The following GTF2IRD1 variants were observed in gnomAD, a reference collection of about 807,000 sequenced individuals.
GTF2IRD1 encodes the protein GTF2I repeat domain containing 1, also known as general transcription factor II-I repeat domain-containing protein 1.
GTF2IRD1 carries 26 observed loss-of-function variants against 113.2 expected under a neutral mutation model. The ratio of observed to expected loss-of-function variants is 0.23; its 90% CI spans 0.17 to 0.32. GTF2IRD1 has a LOEUF of 0.32. Among genes scored for constraint, GTF2IRD1 ranks in the 10% least tolerant of loss-of-function variants. The pLI, the probability that GTF2IRD1 is intolerant of heterozygous loss-of-function variation, is 1.00. For synonymous variants in GTF2IRD1, 484 were observed against 529.1 expected (o/e 0.91, Z 1.17); for missense variants, 864 against 1,280.8 (o/e 0.67, Z 4.97).
chr7:74,560,018 T>G (rs782487661), intron 22 of GTF2IRD1, among the ~76,000 whole-genome samples: 5 of 152,206 alleles, frequency 3.3e-5, no homozygotes, highest in Non-Finnish European at 7.3e-5. Flanking sequence ...TGACCTCAAG[T>G]GATCCACCCA....
chr7:74,551,479 C>T lies in GTF2IRD1; in HGVS notation c.1917-3695C>T, dbSNP rs113797042. On this transcript the variant is annotated intron_variant, in intron 17 of 26. Transcript: ENST00000424337. ...CCACCAAGTCCTGCCCTGGAGTTGC[C>T]GATGTCACCCAGACAAAATCAAAAT... 3.0e-4 allele frequency among the ~76,000 whole-genome samples: 45 copies of T among 152,292 alleles called. 1 individual carries two copies. The highest frequency in any genetic ancestry group is 8.2e-4 in the African/African-American group (34 of 41,562).
rs781837476 is a variant in GTF2IRD1, at chr7:74,521,161, C to A, written c.917-47C>A. ...TGCACTGGGGCCAGATCTGGGGAAC[C>A]CTCTTGGGTCCCACCTGGAACCTTC... On this transcript the variant is annotated intron_variant, in intron 6 of 26. Transcript: ENST00000424337. The A allele has an allele frequency of 6.2e-6, 7 of 1,127,046 alleles. No homozygotes were observed. In the South Asian group the frequency reaches 7.4e-5, roughly 12 times the overall value. The allele number at this position is 1,127,046 out of a possible 1,614,324, so 69.8% of individuals were successfully genotyped here.
rs1403086763 is a variant in GTF2IRD1 at position 74,528,932 on chromosome 7, C to T, written c.1091-802C>T. The stretch of plus-strand genomic sequence containing the variant: ...ATGGATGGATGGATGGACGGACAAC[C>T]GGGTGGATGGGTGGATGGATGGATG... On this transcript the variant is annotated intron_variant, in intron 8 of 26. Transcript: ENST00000424337. Among the ~76,000 whole-genome samples the T allele has an allele frequency of 3.4e-4, 28 of 81,830 alleles. No homozygotes were observed. In the South Asian group the frequency reaches 9.1e-3, roughly 27 times the overall value. 53.7% of individuals were successfully genotyped at this position (81,830 alleles called of 152,430 possible). A position where few individuals can be genotyped will look rare whatever the true frequency, so the allele number is the denominator to read the frequency against.
chr7:74,524,206 C>T (rs1554346714), intron 8 of GTF2IRD1, 52 bp downstream of exon 8: 2 of 1,267,150 alleles, frequency 1.6e-6, no homozygotes, highest in Middle Eastern at 2.1e-4. Context: ...TGTTGAGCAT[C>T]TCATTACGTG....
At position 74,559,636 on chromosome 7, in the gene GTF2IRD1, A is replaced by G; in HGVS notation, c.2301A>G (p.Gln767=). 6.3e-7 allele frequency: 1 copy of G among 1,596,712 alleles called. No individual in the cohort carries two copies. The highest frequency in any genetic ancestry group is 8.5e-7 in the Non-Finnish European group (1 of 1,172,288). The part of the protein sequence containing the change: ...KIKFTVTRPF[Q]GLIPKPDEDD... Reference sequence around the variant, plus strand: ...TCTGTTTCTCTTCTAGGCCTTTCCAAGGACTCATCCCAAAGCCTGGTAAGA... The same window carrying G: ...TCTGTTTCTCTTCTAGGCCTTTCCAGGGACTCATCCCAAAGCCTGGTAAGA... The change falls in exon 22 of 27, where the codon CAA becomes CAG. Residue 767 remains glutamine (Q), a synonymous_variant. Transcript: ENST00000424337.
At chr7:74,537,685 C>T (rs1301752792) in intron 11 of GTF2IRD1, among the ~76,000 whole-genome samples, 6 of 152,124 alleles carry the variant, frequency 3.9e-5, no homozygotes, top group Non-Finnish European at 8.8e-5. Flanking sequence ...CCTGCAGTTC[C>T]CTGGGAGGGA....
intron 1 of GTF2IRD1, among the ~76,000 whole-genome samples, chr7:74,472,821 C>T (rs1794188194): frequency 6.6e-6 from 1 of 152,208 alleles, no homozygotes; most frequent in South Asian, 2.1e-4. Flanking sequence ...GCCTCCTTGC[C>T]CTCCTGCAGA....
At chr7:74,484,453 CTTTTT>C (rs1173256681) in intron 1 of GTF2IRD1, among the ~76,000 whole-genome samples, 12 of 126,090 alleles carry the variant, frequency 9.5e-5, no homozygotes, top group Non-Finnish European at 1.8e-4. Flanking sequence ...GGCCATCCTT[CTTTTT>C]TTTTTTTTTT....
In GTF2IRD1 at chr7:74,555,750, C is replaced by T. The variant is rs1436190914; in HGVS notation, c.2023+256C>T. Among the ~76,000 whole-genome samples, 2 of 152,082 alleles carry T rather than the reference C, an allele frequency of 1.3e-5. No homozygotes were observed. The highest frequency in any genetic ancestry group is 1.5e-5 in the Non-Finnish European group (1 of 68,014). On this transcript the variant is annotated intron_variant, in intron 19 of 26. Transcript: ENST00000424337. The surrounding 1 kb of genome is among the most constrained non-coding windows in gnomAD (Gnocchi z 5.3). ...GCCTGCCTGCCCCCTCCCTGCCCCA[C>T]CCCCCAGAGGTAGCTGACACGCCCA... is the stretch of plus-strand genomic sequence containing the variant.
chr7:74,502,504 TCA>T (rs1482990007), intron 1 of GTF2IRD1, among the ~76,000 whole-genome samples: 1 of 152,222 alleles, frequency 6.6e-6, no homozygotes, highest in Non-Finnish European at 1.5e-5. Flanking sequence ...GGATTGGAAA[TCA>T]CAGCTGGATT....
chr7:74,532,958 C>A (rs587738134), intron 9 of GTF2IRD1, among the ~76,000 whole-genome samples: 1 of 152,006 alleles, frequency 6.6e-6, no homozygotes, highest in Non-Finnish European at 1.5e-5. Context: ...TAATCAGCTG[C>A]CTGAGGGCCC....
At chr7:74,580,177 TCTCA>T (rs1554365731) in intron 22 of GTF2IRD1, among the ~76,000 whole-genome samples, 1 of 152,068 alleles carries the variant, frequency 6.6e-6, no homozygotes, top group Non-Finnish European at 1.5e-5. Context: ...CGAGACCGGG[TCTCA>T]CTCTGTCACC....
chr7:74,510,456 G>A (rs376950514), intron 2 of GTF2IRD1, among the ~76,000 whole-genome samples: 6 of 151,542 alleles, frequency 4.0e-5, no homozygotes, highest in Admixed American at 2.6e-4. Context: ...ACAGGTGTGC[G>A]CCACCACACC....
At chr7:74,541,172 G>C (rs113213960) in intron 14 of GTF2IRD1, among the ~76,000 whole-genome samples, 75 of 151,910 alleles carry the variant, frequency 4.9e-4, no homozygotes, top group African/African-American at 1.7e-3. Flanking sequence ...ACACATCCTC[G>C]TGCGGAGAGA....
chr7:74,560,292 C>T (rs1200789571), intron 22 of GTF2IRD1, among the ~76,000 whole-genome samples: 1 of 151,952 alleles, frequency 6.6e-6, no homozygotes, highest in African/African-American at 2.4e-5. Flanking sequence ...CTCTGGTTGA[C>T]CTCAGTGAAT....
intron 22 of GTF2IRD1, among the ~76,000 whole-genome samples, chr7:74,573,755 AGGAG>A (rs1800834348): frequency 6.6e-6 from 1 of 151,976 alleles, no homozygotes; most frequent in African/African-American, 2.4e-5. Flanking sequence ...GGGACAAAAG[AGGAG>A]GGAGGTGGAG....
intron 6 of GTF2IRD1, 95 bp downstream of exon 6, chr7:74,519,814 C>T: frequency 1.2e-6 from 1 of 866,248 alleles, no homozygotes; most frequent in East Asian, 2.5e-5. Flanking sequence ...ATGCCTGGGC[C>T]CTCTTAGGTT....
intron 1 of GTF2IRD1, among the ~76,000 whole-genome samples, chr7:74,482,836 C>T (rs1457339568): frequency 4.6e-5 from 7 of 152,196 alleles, no homozygotes; most frequent in African/African-American, 1.7e-4. Flanking sequence ...GTGGTTTGCT[C>T]ATACGTCTGA....
intron 4 of GTF2IRD1, 138 bp from the exon 5 acceptor site, chr7:74,518,001 T>C: frequency 2.0e-6 from 1 of 507,006 alleles, no homozygotes; most frequent in Non-Finnish European, 3.4e-6. Flanking sequence ...GCACAAAGTC[T>C]GCAGTTATGA....
Sources: allele counts gnomAD v4.1 joint callset (sites outside exome capture counted in the v4.1 genomes callset), GRCh38; gene constraint gnomAD v4.1.1; non-coding constraint Gnocchi (gnomAD v3.1); transcripts MANE v1.5; gene names NCBI Gene and HGNC (gene_info 2026-07-23, HGNC 2026-07-21).